Variants in SH2D4B observed in about 807,000 individuals in gnomAD.
SH2D4B encodes the protein SH2 domain-containing protein 4B.
Under a neutral mutation model 61.5 loss-of-function variants are expected in SH2D4B, and 45 were observed. The ratio of observed to expected loss-of-function variants is 0.73; its 90% confidence interval spans 0.58 to 0.94. The LOEUF (loss-of-function observed/expected upper bound fraction) is 0.94, where lower values mean the gene tolerates loss of function less well. SH2D4B is among the 40% of genes least tolerant of loss of function. The probability of loss-of-function intolerance (pLI) is 0.00; values close to 1 mark genes in which losing one functional copy is unlikely to be tolerated. For synonymous variants in SH2D4B, 224 were observed against 220.4 expected, an observed-to-expected ratio of 1.02 and a Z score of -0.14; for missense variants, 572 against 574.2, an observed-to-expected ratio of 1.00 and a Z score of 0.04.
At chr10:80,642,176 C>T (rs543849505) in intron 7 of SH2D4B, among the ~76,000 whole-genome samples, 32 of 152,308 alleles carry the variant, frequency 2.1e-4, no homozygotes, top group Admixed American at 5.9e-4. Flanking sequence ...ACTGTAACCT[C>T]AAGATCCTGG....
intron 6 of SH2D4B, among the ~76,000 whole-genome samples, chr10:80,629,269 A>G (rs1393329067): frequency 2.0e-5 from 3 of 152,114 alleles, no homozygotes; most frequent in Non-Finnish European, 4.4e-5. Context: ...GGAAGATCCT[A>G]CAGACTTTTA....
intron 4 of SH2D4B, among the ~76,000 whole-genome samples, chr10:80,595,044 A>T (rs1253771805): frequency 6.6e-6 from 1 of 152,220 alleles, no homozygotes; most frequent in Non-Finnish European, 1.5e-5. Flanking sequence ...AATTAAAAAA[A>T]TTTAAAATTT....
intron 3 of SH2D4B, among the ~76,000 whole-genome samples, chr10:80,572,423 G>C (rs1370971236): frequency 6.6e-6 from 1 of 152,080 alleles, no homozygotes; most frequent in African/African-American, 2.4e-5. Context: ...GTCATCCTAG[G>C]GACATGATCT....
In SH2D4B at chr10:80,538,255, G is replaced by C. The variant is rs979643504; in HGVS notation, c.-77G>C. 16 of 1,205,194 alleles carry C rather than the reference G, an allele frequency of 1.3e-5. No individual in the cohort carries two copies. Among genetic ancestry groups the C allele is most frequent in the Non-Finnish European group, 1.7e-5 (16 of 936,858 alleles). The allele number at this position is 1,205,194 out of a possible 1,614,324, so 74.7% of individuals were successfully genotyped here. Reference sequence around the variant, plus strand: ...CGGATTGAGCAGTCCGTAGTGCAGAGCAGCCCCTCGGGCGTTCTGCCTGGC... The same window carrying C: ...CGGATTGAGCAGTCCGTAGTGCAGACCAGCCCCTCGGGCGTTCTGCCTGGC... On this transcript the variant is annotated 5_prime_UTR_variant, in exon 1 of 8. Transcript: ENST00000646907. This position sits in a 1 kb window ranked among gnomAD's most constrained non-coding sequence, Gnocchi z 4.8.
chr10:80,623,072 A>G (rs180809762), intron 6 of SH2D4B, among the ~76,000 whole-genome samples: 21 of 152,054 alleles, frequency 1.4e-4, no homozygotes, highest in Admixed American at 5.9e-4. Context: ...GTGCCACCAC[A>G]CCTGGCTAAT....
At chr10:80,557,424 C>A (rs1841852591) in intron 1 of SH2D4B, among the ~76,000 whole-genome samples, 1 of 152,000 alleles carries the variant, frequency 6.6e-6, no homozygotes, top group African/African-American at 2.4e-5. Flanking sequence ...CTTCCATTTT[C>A]TGGAAGTGTT....
chr10:80,625,558 AT>A (rs149426810), intron 6 of SH2D4B, among the ~76,000 whole-genome samples: 1 of 145,888 alleles, frequency 6.9e-6, no homozygotes, highest in Non-Finnish European at 1.5e-5. Flanking sequence ...TTGGTTTTGA[AT>A]TTTTTTTCTT....
intron 4 of SH2D4B, among the ~76,000 whole-genome samples, chr10:80,589,629 T>C (rs925693491): frequency 1.3e-5 from 2 of 152,148 alleles, no homozygotes; most frequent in African/African-American, 4.8e-5. Flanking sequence ...GCTCATCCTG[T>C]AGAAACTCAT....
chr10:80,568,509 C>A (rs758214691), intron 1 of SH2D4B, among the ~76,000 whole-genome samples: 4 of 152,140 alleles, frequency 2.6e-5, no homozygotes, highest in Admixed American at 6.5e-5. Flanking sequence ...GGGGCTTGGT[C>A]AGTGATGCTC....
At chr10:80,550,486 C>T (rs748445539) in intron 1 of SH2D4B, among the ~76,000 whole-genome samples, 4 of 151,968 alleles carry the variant, frequency 2.6e-5, no homozygotes, top group African/African-American at 4.8e-5. Context: ...CCCAGCTACT[C>T]GGGAGGCTGA....
chr10:80,591,796 A>T (rs1324329248), intron 4 of SH2D4B, among the ~76,000 whole-genome samples: 2 of 152,110 alleles, frequency 1.3e-5, no homozygotes, highest in African/African-American at 4.8e-5. Flanking sequence ...CACCATGCCC[A>T]GTCCAAACTG....
At chr10:80,566,894 G>A (rs1183073070) in intron 1 of SH2D4B, among the ~76,000 whole-genome samples, 1 of 151,992 alleles carries the variant, frequency 6.6e-6, no homozygotes, top group Non-Finnish European at 1.5e-5. Context: ...TAATTAAATC[G>A]GTGTTTCTTT....
At chr10:80,614,873 C>T (rs1007349364) in intron 6 of SH2D4B, among the ~76,000 whole-genome samples, 7 of 152,226 alleles carry the variant, frequency 4.6e-5, no homozygotes, top group Non-Finnish European at 1.0e-4. Context: ...CTGTGACTGT[C>T]GGACTTCACC....
chr10:80,591,976 G>C (rs894089764), intron 4 of SH2D4B, among the ~76,000 whole-genome samples: 3 of 152,166 alleles, frequency 2.0e-5, no homozygotes, highest in Non-Finnish European at 4.4e-5. Flanking sequence ...GTCTTCCAAA[G>C]TGACTGCACC....
intron 4 of SH2D4B, among the ~76,000 whole-genome samples, chr10:80,598,032 C>T (rs149597815): frequency 1.3e-4 from 20 of 152,314 alleles, no homozygotes; most frequent in Admixed American, 3.3e-4. Context: ...GACAAAAAAT[C>T]GTGAACCATT....
At chr10:80,544,241 G>C (rs542437040) in intron 1 of SH2D4B, among the ~76,000 whole-genome samples, 3 of 152,008 alleles carry the variant, frequency 2.0e-5, no homozygotes, top group Non-Finnish European at 4.4e-5. Flanking sequence ...CAGAGGCGCC[G>C]CCTTAAGAGC....
chr10:80,618,012 G>A (rs1008385940), intron 6 of SH2D4B, among the ~76,000 whole-genome samples: 3 of 152,242 alleles, frequency 2.0e-5, no homozygotes, highest in African/African-American at 7.2e-5. Context: ...ATATGATCAT[G>A]CCTAGAGTAG....
At position 80,603,740 on chromosome 10, in the gene SH2D4B, C is replaced by G; in HGVS notation, c.805C>G (p.Leu269Val). ...LGQSHEQEAR[L>V]YHHLPDPGLP... ...CCAGAGCCATGAGCAGGAGGCAAGA[C>G]TCTACCACCACCTCCCCGACCCGGG... is the stretch of plus-strand genomic sequence containing the variant. The change falls in exon 5 of 8, where the codon CTC (leucine) becomes GTC (valine). Residue 269 changes from leucine (L) to valine (V), a missense_variant. Physicochemically the swap from Leu to Val is conservative, Grantham distance 32. Transcript: ENST00000646907. The G allele has an allele frequency of 3.7e-6, 6 of 1,613,520 alleles. No individual in the cohort carries two copies. Among genetic ancestry groups the G allele is most frequent in the Non-Finnish European group, 5.1e-6 (6 of 1,179,980 alleles).
At chr10:80,619,185 G>A (rs1016048110) in intron 6 of SH2D4B, among the ~76,000 whole-genome samples, 3 of 152,094 alleles carry the variant, frequency 2.0e-5, no homozygotes, top group Non-Finnish European at 4.4e-5. Flanking sequence ...CACTGAGGTG[G>A]GGCCAGCGGG....
Sources: gnomAD v4.1 joint callset for allele counts (sites outside exome capture counted in the v4.1 genomes callset) on GRCh38, gnomAD v4.1.1 for gene constraint, Gnocchi (gnomAD v3.1) non-coding constraint, MANE v1.5 for transcripts, NCBI Gene and HGNC (gene_info 2026-07-23, HGNC 2026-07-21) for gene names.